RBM20: variants seen among roughly 807,000 people sequenced by gnomAD.
The protein encoded by RBM20 is RNA binding motif protein 20, also known as RNA-binding protein 20.
A neutral mutation model predicts 110.1 loss-of-function variants in RBM20; 51 were observed. The ratio of observed to expected loss-of-function variants is 0.46; its 90% CI spans 0.37 to 0.59. The LOEUF is 0.59. Among genes scored for constraint, RBM20 ranks in the 20% least tolerant of loss-of-function variants. The pLI is 0.00. For synonymous variants in RBM20, 589 were observed against 618.2 expected (o/e 0.95, Z 0.70); for missense variants, 1,512 against 1,574.9 (o/e 0.96, Z 0.68).
rs1347126862 is a variant in RBM20 at position 110,644,484 on chromosome 10, C to A, written c.30C>A (p.Asp10Glu). 34 of 1,521,252 alleles carry A rather than the reference C, an allele frequency of 2.2e-5. No homozygotes were observed. Among genetic ancestry groups the A allele is most frequent in the Non-Finnish European group, 2.9e-5 (33 of 1,138,556 alleles). The allele number at this position is 1,521,252 out of a possible 1,614,324, so 94.2% of individuals were successfully genotyped here. Residue 10 changes from aspartate (D) to glutamate (E), a missense_variant, in exon 1 of 14, where the codon GAC (aspartate) becomes GAA (glutamate). Physicochemically the swap from Asp to Glu is conservative, Grantham distance 45 (BLOSUM62 2). Around this residue, in one of 3 missense-constraint regions of RBM20, gnomAD observed 1,149 missense variants for 1,169.4 expected, o/e 0.98. Transcript: ENST00000369519. The surrounding 1 kb of genome is among the most constrained non-coding windows in gnomAD (Gnocchi z 4.3). Reference protein sequence around the residue: MVLAAAMSQDADPSGPEQPD... With the variant: MVLAAAMSQEADPSGPEQPD... Reference sequence around the variant, plus strand: ...TGCTGGCAGCAGCCATGAGCCAGGACGCGGACCCCAGCGGTCCGGAGCAGC... The same window carrying A: ...TGCTGGCAGCAGCCATGAGCCAGGAAGCGGACCCCAGCGGTCCGGAGCAGC...
At chr10:110,726,376 T>G (rs1843560597) in intron 1 of RBM20, among the ~76,000 whole-genome samples, 1 of 152,190 alleles carries the variant, frequency 6.6e-6, no homozygotes, top group Admixed American at 6.5e-5. Context: ...TGGGTTACTG[T>G]TCCAAGCATC....
chr10:110,805,237 AG>A (rs1217862308), intron 7 of RBM20, among the ~76,000 whole-genome samples: 6 of 152,156 alleles, frequency 3.9e-5, no homozygotes, highest in African/African-American at 1.2e-4. Flanking sequence ...AGTGTGACTG[AG>A]GGGTGTGAAA....
At chr10:110,769,851 T>C (rs1034881023) in intron 1 of RBM20, among the ~76,000 whole-genome samples, 18 of 151,986 alleles carry the variant, frequency 1.2e-4, no homozygotes, top group African/African-American at 3.1e-4. Flanking sequence ...CCCAAGTAGC[T>C]GAGATTACAG....
intron 13 of RBM20, 80 bp from the exon 14 acceptor site, chr10:110,835,788 G>A (rs1845118274): frequency 3.6e-6 from 5 of 1,382,778 alleles, no homozygotes; most frequent in African/African-American, 1.4e-5. Flanking sequence ...AGGGATGATT[G>A]AGGCATGTCC....
At chr10:110,700,782 G>T (rs948738435) in intron 1 of RBM20, among the ~76,000 whole-genome samples, 2 of 152,184 alleles carry the variant, frequency 1.3e-5, no homozygotes, top group African/African-American at 4.8e-5. Context: ...TTGGGAGGCT[G>T]AGGCGGGCGG....
chr10:110,670,426 C>G (rs896480195), intron 1 of RBM20, among the ~76,000 whole-genome samples: 11 of 152,194 alleles, frequency 7.2e-5, no homozygotes. Flanking sequence ...AACTAAGTTT[C>G]TCATGACTGG....
intron 9 of RBM20, among the ~76,000 whole-genome samples, chr10:110,813,955 G>T (rs1286489240): frequency 6.6e-6 from 1 of 152,020 alleles, no homozygotes; most frequent in Non-Finnish European, 1.5e-5. Context: ...GAGGGTTGTG[G>T]TTACCAGGTT....
intron 9 of RBM20, among the ~76,000 whole-genome samples, chr10:110,819,591 AG>A (rs748395532): frequency 1.3e-5 from 2 of 152,214 alleles, no homozygotes; most frequent in Non-Finnish European, 2.9e-5. Flanking sequence ...TCAAGGACAG[AG>A]GGCAACAGAA....
At position 110,780,945 on chromosome 10, in the gene RBM20, C is replaced by T. The variant is rs1033979309; in HGVS notation, c.336C>T (p.Asn112=). ...AGCTGGCACAGACAGCTGTCACCAA[C>T]AACACTGCAGCCGCCACAGTCCTGA... ...RLKLAQTAVT[N]NTAAATVLNQ... The change falls in exon 2 of 14, where the codon AAC becomes AAT. Residue 112 remains asparagine, a synonymous_variant. Transcript: ENST00000369519. 6.4e-7 allele frequency: 1 copy of T among 1,551,722 alleles called. No individual in the cohort carries two copies. Among genetic ancestry groups the T allele is most frequent in the Non-Finnish European group, 8.7e-7 (1 of 1,146,996 alleles).
chr10:110,808,846 G>T (rs1844727299), intron 7 of RBM20, among the ~76,000 whole-genome samples: 1 of 152,086 alleles, frequency 6.6e-6, no homozygotes, highest in Non-Finnish European at 1.5e-5. Flanking sequence ...AGGCCAGCTA[G>T]ATCACATCTC....
At chr10:110,782,865 G>C (rs1235249810) in intron 2 of RBM20, among the ~76,000 whole-genome samples, 2 of 152,234 alleles carry the variant, frequency 1.3e-5, no homozygotes, top group Non-Finnish European at 2.9e-5. Flanking sequence ...CTGTGACCCA[G>C]ATAGGACATG....
In RBM20 at chr10:110,739,671, T is replaced by C. The variant is rs912471240; in HGVS notation, c.192-41130T>C. Among the ~76,000 whole-genome samples the C allele has an allele frequency of 1.3e-5, 2 of 152,158 alleles. No homozygotes were observed. The highest frequency in any genetic ancestry group is 4.8e-5 in the African/African-American group (2 of 41,438). ...AGCACCAGCATCAATGTGAACATTCTAGCTGGGACGCTTCCTTGTGGTACG... is the reference window on the plus strand; with the variant it reads ...AGCACCAGCATCAATGTGAACATTCCAGCTGGGACGCTTCCTTGTGGTACG... On this transcript the variant is annotated intron_variant, in intron 1 of 13. Coordinates refer to ENST00000369519, the MANE Select transcript of RBM20 (RefSeq NM_001134363.3). This position sits in a 1 kb window ranked among gnomAD's most constrained non-coding sequence, Gnocchi z 4.1.
chr10:110,797,611 A>G lies in RBM20; in HGVS notation c.1631A>G (p.Lys544Arg). ...DVINLGLPFGKVTNYILMKST... is the reference protein window; with the variant it reads ...DVINLGLPFGRVTNYILMKST... ...ATTAACCTGGGGCTGCCCTTTGGAAAGGTCACTAATTACATCCTCATGAAG... is the reference window on the plus strand; with the variant it reads ...ATTAACCTGGGGCTGCCCTTTGGAAGGGTCACTAATTACATCCTCATGAAG... Residue 544 changes from lysine to arginine, a missense_variant, in exon 6 of 14, where the codon AAG (lysine) becomes AGG (arginine). This residue lies in a region of RBM20 where 1,149 missense variants were observed against 1,169.4 expected (regional missense o/e 0.98). Transcript: ENST00000369519. The G allele has an allele frequency of 6.4e-7, 1 of 1,551,844 alleles. No individual in the cohort carries two copies. The highest frequency in any genetic ancestry group is 8.7e-7 in the Non-Finnish European group (1 of 1,147,028).
At chr10:110,717,181 C>G (rs1863032215) in intron 1 of RBM20, among the ~76,000 whole-genome samples, 1 of 152,136 alleles carries the variant, frequency 6.6e-6, no homozygotes, top group Admixed American at 6.5e-5. Context: ...TCTCCAAGCT[C>G]CTTTTGCAAT....
chr10:110,682,266 C>T (rs957727952), intron 1 of RBM20, among the ~76,000 whole-genome samples: 6 of 152,224 alleles, frequency 3.9e-5, no homozygotes, highest in African/African-American at 1.4e-4. Context: ...TCTCCATTAG[C>T]ATCCTCCAGA....
intron 9 of RBM20, among the ~76,000 whole-genome samples, chr10:110,819,118 T>C (rs1844877547): frequency 1.3e-5 from 2 of 152,224 alleles, no homozygotes; most frequent in South Asian, 4.1e-4. Flanking sequence ...CAGCCAAGAA[T>C]GTCCTAGAAC....
intron 1 of RBM20, among the ~76,000 whole-genome samples, chr10:110,740,117 A>G (rs572471961): frequency 2.1e-4 from 32 of 152,366 alleles, no homozygotes; most frequent in African/African-American, 7.2e-4. Context: ...CCAGGGCAGG[A>G]AGTCTAGTTG....
intron 1 of RBM20, among the ~76,000 whole-genome samples, chr10:110,760,927 A>T (rs895969228): frequency 1.5e-4 from 22 of 150,476 alleles, no homozygotes; most frequent in Non-Finnish European, 2.5e-4. Flanking sequence ...CCTCATCTCT[A>T]CTAAAAATAC....
intron 12 of RBM20, 107 bp downstream of exon 12, chr10:110,823,721 GT>G: frequency 8.0e-7 from 1 of 1,255,292 alleles, no homozygotes; most frequent in Non-Finnish European, 1.1e-6. Context: ...TGTTGACATC[GT>G]TTTTTGTTCT....
Sources: allele counts gnomAD v4.1 joint callset (sites outside exome capture counted in the v4.1 genomes callset), GRCh38; gene constraint gnomAD v4.1.1; regional missense constraint gnomAD v4.1.1; non-coding constraint Gnocchi (gnomAD v3.1); transcripts MANE v1.5; gene names NCBI Gene and HGNC (gene_info 2026-07-23, HGNC 2026-07-21).